The following FRMPD4 variants were observed in gnomAD, a reference collection of about 807,000 sequenced individuals.
The protein encoded by FRMPD4 is FERM and PDZ domain containing 4, also known as FERM and PDZ domain-containing protein 4.
Under a neutral mutation model 94.1 loss-of-function variants are expected in FRMPD4, and 22 were observed. The observed-to-expected ratio is 0.23, with a 90% CI of 0.17 to 0.33. The LOEUF is 0.33. Ranked by LOEUF, FRMPD4 falls within the 10% of genes least tolerant of loss-of-function variation. The pLI, the probability that FRMPD4 is intolerant of heterozygous loss-of-function variation, is 1.00. For missense variants in FRMPD4, 1,111 were observed against 1,339.9 expected (o/e 0.83, Z 2.67); for synonymous variants, 631 against 548.6 (o/e 1.15, Z -2.10).
At chrX:12,333,693 T>C (rs146610770) in intron 1 of FRMPD4, among the ~76,000 whole-genome samples, 323 of 111,898 alleles carry the variant, frequency 2.9e-3, no homozygotes, top group African/African-American at 1.0e-2. Context: ...AGAATCATGA[T>C]CTTCCCTTGC....
At chrX:12,642,104 T>C (rs1011976165) in intron 4 of FRMPD4, among the ~76,000 whole-genome samples, 1 of 111,388 alleles carries the variant, frequency 9.0e-6, no homozygotes, top group Non-Finnish European at 1.9e-5. Flanking sequence ...AAGCATTTAG[T>C]AGGCATCCGC....
chrX:11,917,503 A>G (rs772167370), intron 3 of FRMPD4, among the ~76,000 whole-genome samples: 8 of 112,265 alleles, frequency 7.1e-5, no homozygotes, highest in South Asian at 3.8e-4. Context: ...GTGCCCATCA[A>G]TGGTGGACTG....
intron 3 of FRMPD4, among the ~76,000 whole-genome samples, chrX:12,091,049 A>G (rs1282417028): frequency 8.9e-6 from 1 of 112,190 alleles, no homozygotes; most frequent in African/African-American, 3.2e-5. Flanking sequence ...ATTTTGCTGA[A>G]CAAGTACCTA....
At chrX:12,560,260 A>G (rs1461168313) in intron 2 of FRMPD4, among the ~76,000 whole-genome samples, 1 of 110,612 alleles carries the variant, frequency 9.0e-6, no homozygotes, top group Admixed American at 9.7e-5. Context: ...TGCCCAAACT[A>G]CATGAAACAG....
At chrX:12,126,986 T>C (rs1393694534) in intron 3 of FRMPD4, among the ~76,000 whole-genome samples, 1 of 112,229 alleles carries the variant, frequency 8.9e-6, no homozygotes, top group Admixed American at 9.4e-5. Context: ...GAGTTGCTAA[T>C]GGAACCCCAT....
At chrX:12,366,675 G>A (rs1385883535) in intron 1 of FRMPD4, among the ~76,000 whole-genome samples, 1 of 112,464 alleles carries the variant, frequency 8.9e-6, no homozygotes, top group Non-Finnish European at 1.9e-5. Flanking sequence ...TATCTCACAA[G>A]AGTGATCCAG....
At chrX:12,095,725 A>C (rs2055194105) in intron 3 of FRMPD4, among the ~76,000 whole-genome samples, 1 of 112,309 alleles carries the variant, frequency 8.9e-6, no homozygotes, top group African/African-American at 3.2e-5. Context: ...CCACACAGAA[A>C]GTCTGCCTCC....
chrX:12,316,427 A>G (rs1417763330), intron 1 of FRMPD4, among the ~76,000 whole-genome samples: 1 of 111,711 alleles, frequency 9.0e-6, no homozygotes, highest in Admixed American at 9.5e-5. Flanking sequence ...TGCCGGGATT[A>G]CAGGCGTGAG....
At chrX:12,261,835 A>G (rs1480114506) in intron 1 of FRMPD4, among the ~76,000 whole-genome samples, 1 of 112,055 alleles carries the variant, frequency 8.9e-6, no homozygotes, top group Non-Finnish European at 1.9e-5. Context: ...TGCATATTCA[A>G]AAGCACAAAT....
At chrX:12,033,890 T>A (rs2054705732) in intron 3 of FRMPD4, among the ~76,000 whole-genome samples, 1 of 111,423 alleles carries the variant, frequency 9.0e-6, no homozygotes, top group Non-Finnish European at 1.9e-5. Context: ...AGAGACGGGA[T>A]TTCTTCATAT....
intron 2 of FRMPD4, among the ~76,000 whole-genome samples, chrX:12,529,860 A>G (rs1318198299): frequency 4.7e-5 from 4 of 84,390 alleles, no homozygotes; most frequent in Non-Finnish European, 8.5e-5. Context: ...CTGAAGGCCC[A>G]TTTCCTGGTT....
chrX:11,966,579 A>T (rs1375602736), intron 3 of FRMPD4, among the ~76,000 whole-genome samples: 1 of 111,626 alleles, frequency 9.0e-6, no homozygotes, highest in Admixed American at 9.5e-5. Flanking sequence ...TGCCAAGGCA[A>T]TGGGTTGAAA....
chrX:12,377,032 A>G (rs975339568), intron 1 of FRMPD4, among the ~76,000 whole-genome samples: 1 of 112,173 alleles, frequency 8.9e-6, no homozygotes, highest in Admixed American at 9.5e-5. Context: ...AGGTCTCAGG[A>G]AAATGCTCCT....
intron 1 of FRMPD4, among the ~76,000 whole-genome samples, chrX:12,359,618 C>T (rs2055953191): frequency 9.1e-6 from 1 of 110,127 alleles, no homozygotes; most frequent in Non-Finnish European, 1.9e-5. Flanking sequence ...TACAGGCATG[C>T]GTCACCATGC....
chrX:12,002,280 G>T (rs181062860), intron 3 of FRMPD4, among the ~76,000 whole-genome samples: 1 of 111,815 alleles, frequency 8.9e-6, no homozygotes, highest in East Asian at 2.8e-4. Context: ...GCAATAGCCG[G>T]CCTGCTTCTG....
chrX:12,039,345 T>C lies in FRMPD4; in HGVS notation c.95+161327T>C, dbSNP rs564851521. 1.6e-4 allele frequency among the ~76,000 whole-genome samples: 18 copies of C among 109,784 alleles called. No individual in the cohort carries two copies. The South Asian group carries it at 7.0e-3, about 43-fold the overall frequency. On this transcript the variant is annotated intron_variant, in intron 3 of 18. Transcript: ENST00000640291. ...TCTAAATTCTTAAGGTGAAAACTTA[T>C]TATTGGTTTGAGATTTTTATTTTTT...
chrX:11,915,497 C>T (rs905271733), intron 3 of FRMPD4, among the ~76,000 whole-genome samples: 1 of 112,466 alleles, frequency 8.9e-6, no homozygotes, highest in Non-Finnish European at 1.9e-5. Flanking sequence ...ATAAAGAAGT[C>T]CTTGCCCTCA....
chrX:12,493,746 C>T (rs773018945), intron 1 of FRMPD4, among the ~76,000 whole-genome samples: 9 of 111,847 alleles, frequency 8.0e-5, no homozygotes, highest in East Asian at 5.6e-4. Context: ...GCGCCTGTTG[C>T]GTGCTGAGGC....
chrX:12,228,210 G>A (rs952860973), intron 1 of FRMPD4, among the ~76,000 whole-genome samples: 1 of 112,186 alleles, frequency 8.9e-6, no homozygotes. Flanking sequence ...AATAGCCTAT[G>A]AAATACTTTT....
Sources: allele counts gnomAD v4.1 joint callset (sites outside exome capture counted in the v4.1 genomes callset), GRCh38; gene constraint gnomAD v4.1.1; transcripts MANE v1.5; gene names NCBI Gene and HGNC (gene_info 2026-07-23, HGNC 2026-07-21).